Variants in RERE observed in about 807,000 individuals in gnomAD.
RERE encodes the protein arginine-glutamic acid dipeptide repeats, also known as arginine-glutamic acid dipeptide repeats protein.
Under a neutral mutation model 146.1 loss-of-function variants are expected in RERE, and 40 were observed. That is an observed-to-expected ratio of 0.27 (90% CI 0.21 to 0.36). The LOEUF is 0.36. Among genes scored for constraint, RERE ranks in the 10% least tolerant of loss-of-function variants. RERE has a pLI of 1.00. For synonymous variants in RERE, 1,003 were observed against 866.0 expected (o/e 1.16, Z -2.78); for missense variants, 1,933 against 2,138.7 (o/e 0.90, Z 1.90).
At chr1:8,413,067 T>C (rs769316062) in intron 12 of RERE, among the ~76,000 whole-genome samples, 25 of 152,216 alleles carry the variant, frequency 1.6e-4, no homozygotes, top group Non-Finnish European at 3.2e-4. Context: ...GACCATTAAT[T>C]ATCTACCCAT....
chr1:8,667,680 AAAC>A (rs372267182), intron 1 of RERE, among the ~76,000 whole-genome samples: 16 of 152,282 alleles, frequency 1.1e-4, no homozygotes, highest in Non-Finnish European at 1.8e-4. Flanking sequence ...CCGTCTCAAA[AAAC>A]AACAACAACA....
At chr1:8,367,916 G>C (rs1292454654) in intron 12 of RERE, among the ~76,000 whole-genome samples, 7 of 152,202 alleles carry the variant, frequency 4.6e-5, no homozygotes, top group Admixed American at 3.9e-4. Flanking sequence ...CCACTAGGGG[G>C]TTACAAGATC....
intron 1 of RERE, among the ~76,000 whole-genome samples, chr1:8,663,527 T>C (rs1201715489): frequency 6.6e-6 from 1 of 152,174 alleles, no homozygotes; most frequent in Admixed American, 6.5e-5. Context: ...TGCAGATGAA[T>C]ACAACTGCTT....
At chr1:8,445,632 A>C (rs547702682) in intron 11 of RERE, among the ~76,000 whole-genome samples, 25 of 152,308 alleles carry the variant, frequency 1.6e-4, no homozygotes, top group African/African-American at 5.8e-4. Flanking sequence ...CTGCAGAAGA[A>C]GACAGATAGA....
At chr1:8,488,028 C>G (rs1236771576) in intron 10 of RERE, among the ~76,000 whole-genome samples, 1 of 145,844 alleles carries the variant, frequency 6.9e-6, no homozygotes, top group African/African-American at 2.6e-5. Context: ...TCACGTGAGC[C>G]AAGGACTTCA....
At chr1:8,418,523 A>G (rs1643839546) in intron 12 of RERE, among the ~76,000 whole-genome samples, 1 of 152,198 alleles carries the variant, frequency 6.6e-6, no homozygotes, top group Non-Finnish European at 1.5e-5. Flanking sequence ...ACTACGACCC[A>G]GTGCCAGCTG....
At chr1:8,476,335 C>T (rs1324112781) in intron 10 of RERE, among the ~76,000 whole-genome samples, 1 of 152,142 alleles carries the variant, frequency 6.6e-6, no homozygotes, top group African/African-American at 2.4e-5. Flanking sequence ...GATGTCCCTA[C>T]CCTAGAATGT....
chr1:8,502,501 C>A (rs1172357205), intron 8 of RERE, among the ~76,000 whole-genome samples: 1 of 122,810 alleles, frequency 8.1e-6, no homozygotes, highest in East Asian at 2.8e-4. Flanking sequence ...CCGCCCCATC[C>A]GGGAGGTCAG....
intron 4 of RERE, among the ~76,000 whole-genome samples, chr1:8,603,784 C>G (rs1285187407): frequency 6.6e-6 from 1 of 151,542 alleles, no homozygotes; most frequent in Non-Finnish European, 1.5e-5. Context: ...AGGAGGAGAC[C>G]CTGTCTTTAC....
At chr1:8,714,279 A>G (rs1421462232) in intron 1 of RERE, among the ~76,000 whole-genome samples, 1 of 152,192 alleles carries the variant, frequency 6.6e-6, no homozygotes, top group African/African-American at 2.4e-5. Context: ...ACATCACTCT[A>G]ATAACTTTAT....
Position 8,362,730 on chromosome 1 carries a change from T to C in RERE, c.1855A>G (p.Thr619Ala). The change falls in exon 16 of 23, where the codon ACC (threonine) becomes GCC (alanine). Residue 619 changes from threonine to alanine, a missense_variant. Thr to Ala is a moderately conservative substitution (Grantham distance 58, BLOSUM62 0). Around this residue, in one of 11 missense-constraint regions of RERE, gnomAD observed 1,255 missense variants for 1,153.8 expected, o/e 1.09. Transcript: ENST00000400908. ...SGRNSPSAAS[T>A]SSNDSKAETV... is the part of the protein sequence containing the mutation. The stretch of plus-strand genomic sequence containing the variant: ...TCTGCTTTACTGTCATTGCTGGAGG[T>C]ACTGGCAGCGCTGGGGGAGTTCCGG... 2 of 1,614,196 alleles carry C rather than the reference T, an allele frequency of 1.2e-6. No homozygotes were observed. Among genetic ancestry groups the C allele is most frequent in the Non-Finnish European group, 1.7e-6 (2 of 1,180,038 alleles).
chr1:8,803,094 C>T (rs1424701965), intron 1 of RERE, among the ~76,000 whole-genome samples: 1 of 152,156 alleles, frequency 6.6e-6, no homozygotes, highest in Non-Finnish European at 1.5e-5. Flanking sequence ...ATGACAATTA[C>T]ACAATTGCAC....
chr1:8,369,264 C>A (rs1008990394), intron 12 of RERE, among the ~76,000 whole-genome samples: 1 of 151,948 alleles, frequency 6.6e-6, no homozygotes, highest in Non-Finnish European at 1.5e-5. Flanking sequence ...AAGAAACTGC[C>A]CCATGCCAGA....
chr1:8,553,372 T>C (rs1346731142), intron 6 of RERE, among the ~76,000 whole-genome samples: 3 of 145,454 alleles, frequency 2.1e-5, no homozygotes, highest in Non-Finnish European at 3.0e-5. Flanking sequence ...ACACGTAAAA[T>C]TGCACCATTA....
rs751384177 is a variant in RERE, at chr1:8,731,780, TTTTG to T, written c.-144-75343_-144-75340del. On this transcript the variant is annotated intron_variant, in intron 1 of 22. Coordinates refer to ENST00000400908, the MANE Select transcript of RERE (RefSeq NM_001042681.2). ...TCTGAAAAAGCTAAACATAATGTTT[TTTTG>T]TTTGTTTGTTTGTTTGTTTGTTTTG... Among the ~76,000 whole-genome samples the T allele has an allele frequency of 8.8e-3, 1,261 of 142,822 alleles. 8 individuals are homozygous for T. Among genetic ancestry groups the T allele is most frequent in the Middle Eastern group, 0.044 (12 of 274 alleles). The allele number at this position is 142,822 out of a possible 152,430, so 93.7% of individuals were successfully genotyped here.
chr1:8,638,797 T>C (rs1647135573), intron 2 of RERE, among the ~76,000 whole-genome samples: 1 of 147,068 alleles, frequency 6.8e-6, no homozygotes, highest in South Asian at 2.2e-4. Context: ...TTTTTTTTTT[T>C]TTTTTTTTTT....
chr1:8,642,872 C>G lies in RERE; in HGVS notation c.325+13101G>C, dbSNP rs1647198308. Among the ~76,000 whole-genome samples, 2 of 152,170 alleles carry G rather than the reference C, an allele frequency of 1.3e-5. 1 individual carries two copies. The highest frequency in any genetic ancestry group is 4.1e-4 in the South Asian group (2 of 4,830). ...TCCTACTCAACTGCTAAAGGAAGAA[C>G]AGCTGAGACAATGCTACCCAAGAGA... On this transcript the variant is annotated intron_variant, in intron 2 of 22. Coordinates refer to ENST00000400908, the MANE Select transcript of RERE (RefSeq NM_001042681.2).
At chr1:8,501,268 C>T (rs571709595) in intron 8 of RERE, among the ~76,000 whole-genome samples, 5 of 139,288 alleles carry the variant, frequency 3.6e-5, no homozygotes, top group South Asian at 2.3e-4. Flanking sequence ...CGCCTCTGCC[C>T]GGTCGCCCCT....
intron 12 of RERE, among the ~76,000 whole-genome samples, chr1:8,416,442 C>T (rs866305311): frequency 1.3e-5 from 2 of 151,788 alleles, no homozygotes; most frequent in Admixed American, 6.6e-5. Flanking sequence ...AAAAATTAGC[C>T]AGGCGTGGTG....
Sources: gnomAD v4.1 joint callset for allele counts (sites outside exome capture counted in the v4.1 genomes callset) on GRCh38, gnomAD v4.1.1 for gene constraint, gnomAD v4.1.1 regional missense constraint, MANE v1.5 for transcripts, NCBI Gene and HGNC (gene_info 2026-07-23, HGNC 2026-07-21) for gene names.